ADGRB3: variants seen among roughly 807,000 people sequenced by gnomAD.
The protein encoded by ADGRB3 is adhesion G protein-coupled receptor B3.
Under a neutral mutation model 193.4 loss-of-function variants are expected in ADGRB3, and 37 were observed. That is an observed-to-expected ratio of 0.19 (90% CI 0.15 to 0.25). The LOEUF is 0.25. Ranked by LOEUF, ADGRB3 falls within the 10% of genes least tolerant of loss-of-function variation. The pLI, the probability that ADGRB3 is intolerant of heterozygous loss-of-function variation, is 1.00. For missense variants in ADGRB3, 1,637 were observed against 1,852.9 expected, an observed-to-expected ratio of 0.88 and a Z score of 2.14; for synonymous variants, 690 against 644.2, an observed-to-expected ratio of 1.07 and a Z score of -1.08.
intron 13 of ADGRB3, among the ~76,000 whole-genome samples, chr6:69,024,508 A>G (rs78742644): frequency 6.6e-6 from 1 of 152,206 alleles, no homozygotes; most frequent in African/African-American, 2.4e-5. Flanking sequence ...ACACCCACTT[A>G]CAGCTATTTC....
chr6:68,807,235 C>CTTTTTTTTTTTTTTTTTTTTTTTTT (rs771342538), intron 3 of ADGRB3, among the ~76,000 whole-genome samples: 2 of 100,200 alleles, frequency 2.0e-5, no homozygotes, highest in Non-Finnish European at 3.9e-5. Flanking sequence ...TTTCTTTTTT[C>CTTTTTTTTTTTTTTTTTTTTTTTTT]TTTTTTTTTT....
chr6:69,094,539 G>T (rs1033401201), intron 17 of ADGRB3, among the ~76,000 whole-genome samples: 2 of 152,114 alleles, frequency 1.3e-5, no homozygotes, highest in Admixed American at 6.5e-5. Flanking sequence ...GCACCCAGAG[G>T]ATGAAAGATT....
chr6:69,239,284 G>GTTAT, intron 20 of ADGRB3, 58 bp downstream of exon 20: 1 of 1,184,686 alleles, frequency 8.4e-7, no homozygotes, highest in Non-Finnish European at 1.2e-6. Context: ...CATATTGTTA[G>GTTAT]TTATTGATAA....
intron 19 of ADGRB3, among the ~76,000 whole-genome samples, chr6:69,236,203 T>A (rs1481352445): frequency 6.6e-6 from 1 of 152,160 alleles, no homozygotes; most frequent in Non-Finnish European, 1.5e-5. Flanking sequence ...AGAGCAAGAA[T>A]TAATTGTCAC....
At chr6:69,239,749 A>C (rs1337249095) in intron 20 of ADGRB3, among the ~76,000 whole-genome samples, 2 of 152,002 alleles carry the variant, frequency 1.3e-5, no homozygotes, top group East Asian at 3.9e-4. Context: ...TTTTTGCTTC[A>C]CCTAAAGGTA....
intron 3 of ADGRB3, among the ~76,000 whole-genome samples, chr6:68,815,383 A>T (rs1020482257): frequency 1.3e-5 from 2 of 152,146 alleles, no homozygotes; most frequent in African/African-American, 4.8e-5. Context: ...CAGCAGGCTG[A>T]AGTTGTCAAA....
rs114830219 is a variant in ADGRB3 at position 68,833,055 on chromosome 6, C to A, written c.758-97504C>A. 5.2e-3 allele frequency among the ~76,000 whole-genome samples: 795 copies of A among 152,174 alleles called. 7 individuals carry two copies. Among genetic ancestry groups the A allele is most frequent in the African/African-American group, 0.018 (747 of 41,508 alleles). ...TTAAGACAAGGTTGTTGCAGGAAGA[C>A]TTTTTAAAAGACCTGTTCCTTTCAA... On this transcript the variant is annotated intron_variant, in intron 3 of 31. Transcript: ENST00000370598.
At chr6:69,217,051 G>T (rs1457162775) in intron 17 of ADGRB3, among the ~76,000 whole-genome samples, 1 of 152,138 alleles carries the variant, frequency 6.6e-6, no homozygotes, top group African/African-American at 2.4e-5. Context: ...AGCAATAGGG[G>T]TATATAAATC....
At chr6:69,171,064 A>C (rs1394062020) in intron 17 of ADGRB3, among the ~76,000 whole-genome samples, 1 of 152,230 alleles carries the variant, frequency 6.6e-6, no homozygotes, top group Non-Finnish European at 1.5e-5. Flanking sequence ...TATTTTATTT[A>C]ACCCAATATA....
At chr6:69,296,490 T>A (rs191958230) in intron 20 of ADGRB3, among the ~76,000 whole-genome samples, 126 of 152,256 alleles carry the variant, frequency 8.3e-4, no homozygotes, top group Non-Finnish European at 1.2e-3. Context: ...TTAGAAATAA[T>A]TAGAGCCCTA....
At chr6:68,772,894 AATAT>A (rs1208790675) in intron 3 of ADGRB3, among the ~76,000 whole-genome samples, 188 of 22,762 alleles carry the variant, frequency 8.3e-3, no homozygotes, top group South Asian at 0.012. Context: ...AAAAAAAAAA[AATAT>A]ATATATATAT....
chr6:68,952,579 C>T (rs868795526), intron 6 of ADGRB3, among the ~76,000 whole-genome samples: 1 of 152,062 alleles, frequency 6.6e-6, no homozygotes, highest in Non-Finnish European at 1.5e-5. Flanking sequence ...ATTACACCAA[C>T]ATGGCACACA....
intron 8 of ADGRB3, among the ~76,000 whole-genome samples, chr6:68,967,845 G>C (rs1768429084): frequency 6.6e-6 from 1 of 152,042 alleles, no homozygotes; most frequent in South Asian, 2.1e-4. Flanking sequence ...TGTGAGGTTT[G>C]AGAAAAGATT....
intron 3 of ADGRB3, among the ~76,000 whole-genome samples, chr6:68,842,913 A>G (rs1768188480): frequency 6.6e-6 from 1 of 152,076 alleles, no homozygotes; most frequent in African/African-American, 2.4e-5. Context: ...AGAATGAAGG[A>G]CAAAGCCTAT....
chr6:69,384,963 T>TTC (rs199835252), intron 31 of ADGRB3, among the ~76,000 whole-genome samples: 2 of 148,408 alleles, frequency 1.3e-5, no homozygotes, highest in African/African-American at 5.1e-5. Context: ...TTCTTTTCTT[T>TTC]TTTTTTTTTT....
intron 3 of ADGRB3, among the ~76,000 whole-genome samples, chr6:68,807,235 CTTTTTT>C (rs771342538): frequency 1.5e-3 from 152 of 100,194 alleles, no homozygotes; most frequent in East Asian, 3.0e-3. Context: ...TTTCTTTTTT[CTTTTTT>C]TTTTTTTTTT....
Position 69,221,532 on chromosome 6 carries a change from G to A in ADGRB3, c.2481-11758G>A, listed in dbSNP as rs1765894000. On this transcript the variant is annotated intron_variant, in intron 17 of 31. Coordinates refer to ENST00000370598, the MANE Select transcript of ADGRB3 (RefSeq NM_001704.3). ...GACAGTGCTTCTTCTGTGAACGCTT[G>A]TCAACTGAAGCAGCTACTCTTCCCT... Among the ~76,000 whole-genome samples the A allele has an allele frequency of 4.0e-5, 6 of 151,818 alleles. No homozygotes were observed. The South Asian group carries it at 1.2e-3, about 32-fold the overall frequency.
intron 3 of ADGRB3, among the ~76,000 whole-genome samples, chr6:68,782,115 TC>T (rs1293799257): frequency 2.2e-5 from 2 of 91,402 alleles, no homozygotes; most frequent in African/African-American, 8.6e-5. Flanking sequence ...ATGCTATCCC[TC>T]CCCCCTCCCC....
At chr6:68,923,691 A>C (rs994762233) in intron 3 of ADGRB3, among the ~76,000 whole-genome samples, 1 of 152,204 alleles carries the variant, frequency 6.6e-6, no homozygotes, top group African/African-American at 2.4e-5. Flanking sequence ...TGGTGAATTT[A>C]AAAGTACAAT....
Sources: gnomAD v4.1 joint callset for allele counts (sites outside exome capture counted in the v4.1 genomes callset) on GRCh38, gnomAD v4.1.1 for gene constraint, MANE v1.5 for transcripts, NCBI Gene and HGNC (gene_info 2026-07-23, HGNC 2026-07-21) for gene names.